THSD7B: variants seen among roughly 807,000 people sequenced by gnomAD.
The protein encoded by THSD7B is thrombospondin type 1 domain containing 7B, also known as thrombospondin type-1 domain-containing protein 7B.
THSD7B carries 138 observed loss-of-function variants against 213.6 expected under a neutral mutation model. The ratio of observed to expected loss-of-function variants is 0.65; its 90% CI spans 0.56 to 0.74. The LOEUF (loss-of-function observed/expected upper bound fraction) is 0.74, where lower values mean the gene tolerates loss of function less well. THSD7B is among the 30% of genes least tolerant of loss of function. The pLI, the probability that THSD7B is intolerant of heterozygous loss-of-function variation, is 0.00. For synonymous variants in THSD7B, 742 were observed against 687.0 expected, an observed-to-expected ratio of 1.08 and a Z score of -1.25; for missense variants, 1,931 against 1,991.5, an observed-to-expected ratio of 0.97 and a Z score of 0.58.
At chr2:137,215,791 A>G (rs1375253281) in intron 7 of THSD7B, among the ~76,000 whole-genome samples, 1 of 152,168 alleles carries the variant, frequency 6.6e-6, no homozygotes, top group African/African-American at 2.4e-5. Flanking sequence ...GTTTTTTCCA[A>G]ATTTTGAATA....
At chr2:137,622,222 C>A (rs569061355) in intron 20 of THSD7B, among the ~76,000 whole-genome samples, 26 of 151,684 alleles carry the variant, frequency 1.7e-4, no homozygotes, top group African/African-American at 6.3e-4. Flanking sequence ...ATGTTCCTCT[C>A]ACATGCAAAA....
At chr2:136,975,812 C>T (rs961761472) in intron 2 of THSD7B, among the ~76,000 whole-genome samples, 7 of 152,196 alleles carry the variant, frequency 4.6e-5, no homozygotes, top group African/African-American at 1.2e-4. Flanking sequence ...TTCTTCCTAT[C>T]CATGAGCATA....
intron 1 of THSD7B, among the ~76,000 whole-genome samples, chr2:136,854,275 T>C (rs1237022439): frequency 0.024 from 2 of 82 alleles, no homozygotes; most frequent in Non-Finnish European, 0.048. Flanking sequence ...TCTATATGCA[T>C]GTATTTTTGT....
intron 20 of THSD7B, among the ~76,000 whole-genome samples, chr2:137,629,282 CAAG>C (rs533793775): frequency 2.0e-4 from 31 of 152,136 alleles, no homozygotes; most frequent in Non-Finnish European, 4.0e-4. Context: ...TGCAAGGAGA[CAAG>C]AAATCTGTTT....
intron 2 of THSD7B, among the ~76,000 whole-genome samples, chr2:137,000,688 T>A (rs1685984532): frequency 1.3e-5 from 2 of 152,160 alleles, no homozygotes; most frequent in Admixed American, 1.3e-4. Context: ...TGATTAGTCT[T>A]AATTAAGTTC....
chr2:137,306,936 T>TA (rs914148579), intron 12 of THSD7B, among the ~76,000 whole-genome samples: 7 of 151,972 alleles, frequency 4.6e-5, no homozygotes, highest in African/African-American at 7.2e-5. Context: ...AAGAACCTGT[T>TA]AAAAAAAATG....
chr2:137,310,491 A>G (rs1302817544), intron 12 of THSD7B, among the ~76,000 whole-genome samples: 38 of 150,300 alleles, frequency 2.5e-4, no homozygotes, highest in Non-Finnish European at 1.2e-4. Context: ...TTTGCTGTGC[A>G]GAAGCTCTTT....
At chr2:137,447,361 T>G (rs970784951) in intron 14 of THSD7B, among the ~76,000 whole-genome samples, 3 of 152,164 alleles carry the variant, frequency 2.0e-5, no homozygotes, top group Admixed American at 1.3e-4. Context: ...AAAGTTTATC[T>G]GAAACCTCCT....
chr2:137,310,696 G>T (rs888623417), intron 12 of THSD7B, among the ~76,000 whole-genome samples: 2 of 152,078 alleles, frequency 1.3e-5, no homozygotes, highest in Non-Finnish European at 2.9e-5. Context: ...GCATAAGGAA[G>T]GGATCCAGTT....
chr2:137,421,756 G>A (rs1558792071), intron 14 of THSD7B, among the ~76,000 whole-genome samples: 1 of 152,166 alleles, frequency 6.6e-6, no homozygotes, highest in Non-Finnish European at 1.5e-5. Context: ...CTTGGAGCAG[G>A]TGAAAGGAGG....
intron 15 of THSD7B, among the ~76,000 whole-genome samples, chr2:137,549,376 G>A (rs1035797633): frequency 1.3e-4 from 15 of 112,686 alleles, no homozygotes; most frequent in Non-Finnish European, 1.4e-4. Flanking sequence ...CCTGATTTCT[G>A]ATGGTCATAT....
intron 2 of THSD7B, among the ~76,000 whole-genome samples, chr2:136,952,455 T>C (rs1366664934): frequency 7.6e-6 from 1 of 131,718 alleles, no homozygotes; most frequent in Non-Finnish European, 1.6e-5. Flanking sequence ...TTTTTTTTTG[T>C]GGGTGTAAGT....
intron 1 of THSD7B, among the ~76,000 whole-genome samples, chr2:136,775,050 C>T (rs1558800812): frequency 6.6e-6 from 1 of 152,092 alleles, no homozygotes; most frequent in African/African-American, 2.4e-5. Flanking sequence ...TTACAGTCTA[C>T]CTATGGAGAT....
intron 12 of THSD7B, among the ~76,000 whole-genome samples, chr2:137,334,162 TTCTCTCTTTC>T (rs1463855239): frequency 9.2e-5 from 8 of 87,004 alleles, no homozygotes; most frequent in African/African-American, 2.6e-4. Context: ...ATTTCTTTCT[TTCTCTCTTTC>T]TCTCTCTCTC....
At chr2:137,449,808 A>G (rs556514455) in intron 14 of THSD7B, among the ~76,000 whole-genome samples, 1 of 152,294 alleles carries the variant, frequency 6.6e-6, no homozygotes, top group African/African-American at 2.4e-5. Context: ...AGGCCCACCC[A>G]GTATATCTCA....
chr2:137,155,968 G>T (rs1679902630), intron 5 of THSD7B: 1 of 152,142 alleles, frequency 6.6e-6, no homozygotes, highest in African/African-American at 2.4e-5. Context: ...TTGGCCACTT[G>T]GGTAGAGGCT....
chr2:137,558,694 G>C (rs1045852931), intron 15 of THSD7B, among the ~76,000 whole-genome samples: 2 of 151,698 alleles, frequency 1.3e-5, no homozygotes, highest in South Asian at 4.2e-4. Flanking sequence ...ATTCAACATA[G>C]TGTTGGAAGT....
chr2:137,162,158 G>C lies in THSD7B; in HGVS notation c.1525+1790G>C, dbSNP rs141983723. Among the ~76,000 whole-genome samples, 74 of 152,262 alleles carry C rather than the reference G, an allele frequency of 4.9e-4. 2 individuals carry two copies. The East Asian group carries it at 0.012, about 24-fold the overall frequency. On this transcript the variant is annotated intron_variant, in intron 6 of 27. Coordinates refer to ENST00000409968, the MANE Select transcript of THSD7B (RefSeq NM_001316349.2). ...GTAGCTGAAATGAGAAGAGAGGATA[G>C]GGCTGCATCCAAGAGTATAAACAGG...
intron 2 of THSD7B, among the ~76,000 whole-genome samples, chr2:137,000,738 A>G (rs1168482674): frequency 1.3e-5 from 2 of 152,196 alleles, no homozygotes; most frequent in African/African-American, 2.4e-5. Context: ...GACTTCACAT[A>G]AAAGTGTGAA....
Sources: gnomAD v4.1 joint callset for allele counts (sites outside exome capture counted in the v4.1 genomes callset) on GRCh38, gnomAD v4.1.1 for gene constraint, MANE v1.5 for transcripts, NCBI Gene and HGNC (gene_info 2026-07-23, HGNC 2026-07-21) for gene names.